NRK: variants seen among roughly 807,000 people sequenced by gnomAD.
NRK encodes the protein Nik related kinase, also known as nik-related protein kinase.
A neutral mutation model predicts 125.2 loss-of-function variants in NRK; 67 were observed. The ratio of observed to expected loss-of-function variants is 0.54; its 90% CI spans 0.44 to 0.66. The LOEUF (loss-of-function observed/expected upper bound fraction) is 0.66. Among genes scored for constraint, NRK ranks in the 30% least tolerant of loss-of-function variants. NRK has a pLI of 0.00. For synonymous variants in NRK, 458 were observed against 429.0 expected, an observed-to-expected ratio of 1.07 and a Z score of -0.84; for missense variants, 1,224 against 1,192.9, an observed-to-expected ratio of 1.03 and a Z score of -0.38.
At chrX:105,881,897 G>T in intron 4 of NRK, 118 bp downstream of exon 4, 2 of 430,639 alleles carry the variant, frequency 4.6e-6, no homozygotes, top group Non-Finnish European at 8.2e-6. Context: ...AAGTGTTCTT[G>T]CCTGAAAGTG....
intron 4 of NRK, among the ~76,000 whole-genome samples, chrX:105,884,480 A>G (rs1354343130): frequency 8.9e-6 from 1 of 111,955 alleles, no homozygotes; most frequent in Admixed American, 9.5e-5. Flanking sequence ...TTTAAAGCCT[A>G]GCCACATTAT....
intron 28 of NRK, among the ~76,000 whole-genome samples, chrX:105,954,401 A>C (rs2040945797): frequency 9.0e-6 from 1 of 110,725 alleles, no homozygotes; most frequent in Non-Finnish European, 1.9e-5. Context: ...GGGCATTTTA[A>C]ATTTTATTTA....
At chrX:105,943,242 G>A (rs1371212712) in intron 23 of NRK, among the ~76,000 whole-genome samples, 1 of 111,413 alleles carries the variant, frequency 9.0e-6, no homozygotes, top group Admixed American at 9.5e-5. Flanking sequence ...CAACCTTATT[G>A]TTTTGCATAG....
chrX:105,898,580 G>T lies in NRK; in HGVS notation c.581-4G>T, dbSNP rs755869177. On this transcript the variant is annotated splice_polypyrimidine_tract_variant and splice_region_variant and intron_variant, in intron 7 of 28. Transcript: ENST00000243300. ...TTATTTTGACATATAATGATTTTTG[G>T]CAGTTGATTTTGGAGTGAGTGCCCA... The T allele has an allele frequency of 5.0e-6, 6 of 1,190,686 alleles. No individual in the cohort carries two copies. The highest frequency in any genetic ancestry group is 2.3e-5 in the Admixed American group (1 of 43,435).
chrX:105,944,183 C>T (rs2040783288), intron 24 of NRK, 142 bp downstream of exon 24: 2 of 400,207 alleles, frequency 5.0e-6, no homozygotes, highest in East Asian at 4.3e-5. Context: ...AGTTTGCTTG[C>T]TTGTTTGTTT....
At chrX:105,829,331 G>A (rs964810248) in intron 1 of NRK, among the ~76,000 whole-genome samples, 1 of 112,032 alleles carries the variant, frequency 8.9e-6, no homozygotes, top group South Asian at 3.6e-4. Flanking sequence ...ATTCATCTAA[G>A]TTGCATATGC....
In NRK at chrX:105,950,086, T is replaced by C. The variant is rs1419401226; in HGVS notation, c.4513+352T>C. Among the ~76,000 whole-genome samples the C allele has an allele frequency of 2.7e-5, 3 of 112,167 alleles. No individual in the cohort carries two copies. The Admixed American group carries it at 2.8e-4, about 11-fold the overall frequency. ...GAAATGCTTCTTTTCATCACACTGA[T>C]TGTGGGGTTTATCTTTATCTTAGGA... On this transcript the variant is annotated intron_variant, in intron 27 of 28. Coordinates refer to ENST00000243300, the MANE Select transcript of NRK (RefSeq NM_198465.4).
chrX:105,921,017 A>G (rs2040436080), intron 16 of NRK, among the ~76,000 whole-genome samples: 1 of 91,993 alleles, frequency 1.1e-5, no homozygotes, highest in African/African-American at 4.0e-5. Context: ...TGCTGCTATA[A>G]AGACACATGC....
At chrX:105,920,814 TAA>T (rs1239392905) in intron 16 of NRK, among the ~76,000 whole-genome samples, 1 of 105,688 alleles carries the variant, frequency 9.5e-6, no homozygotes, top group African/African-American at 3.5e-5. Context: ...TGGCAATCAC[TAA>T]AAAGTCAGGA....
In NRK at chrX:105,906,458, A is replaced by G; in HGVS notation, c.890A>G (p.Asn297Ser). 8.5e-7 allele frequency: 1 copy of G among 1,170,958 alleles called. No homozygotes were observed. The highest frequency in any genetic ancestry group is 1.1e-6 in the Non-Finnish European group (1 of 869,674). ...HNFMEKCTIK[N>S]FLFRPTSANM... ...TTCATGGAAAAGTGTACGATAAAAA[A>G]TTTCCTGTTTCGTCCTACTTCTGCA... is the stretch of plus-strand genomic sequence containing the variant. The change falls in exon 11 of 29, where the codon AAT (asparagine) becomes AGT (serine). Residue 297 changes from asparagine to serine, a missense_variant. By Grantham distance (46) the Asn-to-Ser change is conservative (BLOSUM62 1). Coordinates refer to ENST00000243300, the MANE Select transcript of NRK (RefSeq NM_198465.4).
rs750428557 is a variant in NRK, at chrX:105,826,147, TTATA to T, written c.57+3253_57+3256del. Among the ~76,000 whole-genome samples, 4 of 92,232 alleles carry T rather than the reference TTATA, an allele frequency of 4.3e-5. No homozygotes were observed. In the East Asian group the frequency reaches 1.3e-3, roughly 29 times the overall value. The allele number at this position is 92,232 out of a possible 115,157, so 80.1% of individuals were successfully genotyped here. A position where few individuals can be genotyped will look rare whatever the true frequency, so the allele number is the denominator to read the frequency against. On this transcript the variant is annotated intron_variant, in intron 1 of 28. Transcript: ENST00000243300. The stretch of plus-strand genomic sequence containing the variant: ...TATATATGGTAAGATATATATATGA[TTATA>T]TATATATGGTAAGATATATATATGA...
intron 4 of NRK, 97 bp from the exon 5 acceptor site, chrX:105,888,197 G>A: frequency 1.6e-6 from 1 of 629,347 alleles, no homozygotes; most frequent in Non-Finnish European, 2.3e-6. Flanking sequence ...ATAATTAGTT[G>A]CCATAGGATT....
At position 105,909,751 on chromosome X, in the gene NRK, T is replaced by G. The variant is rs772732112; in HGVS notation, c.2110T>G (p.Phe704Val). ...ALAKRLSPKR[F>V]RAKSSWRPEK... ...GGCAAAAAGACTATCACCAAAGAGG[T>G]TCAGGGCAAAGTCATCATGGAGACC... The change falls in exon 13 of 29, where the codon TTC becomes GTC. Residue 704 changes from phenylalanine to valine, a missense_variant. By Grantham distance (50) the Phe-to-Val change is conservative (BLOSUM62 -1). Coordinates refer to ENST00000243300, the MANE Select transcript of NRK (RefSeq NM_198465.4). The G allele has an allele frequency of 1.6e-5, 19 of 1,181,677 alleles. No individual in the cohort carries two copies. The highest frequency in any genetic ancestry group is 2.2e-5 in the Non-Finnish European group (19 of 880,254).
rs746053626 is a variant in NRK, at chrX:105,917,208, G to A, written c.2418-370G>A. Among the ~76,000 whole-genome samples, 19 of 110,721 alleles carry A rather than the reference G, an allele frequency of 1.7e-4. No individual in the cohort carries two copies. The South Asian group carries it at 6.8e-3, about 39-fold the overall frequency. Reference sequence around the variant, plus strand: ...AGAATATATGACATAACAGTAACTTGTTTATTATGTTAAAATACTCACATA... The same window carrying A: ...AGAATATATGACATAACAGTAACTTATTTATTATGTTAAAATACTCACATA... On this transcript the variant is annotated intron_variant, in intron 15 of 28. Transcript: ENST00000243300.
At chrX:105,850,547 C>T (rs773198129) in intron 2 of NRK, among the ~76,000 whole-genome samples, 1 of 112,537 alleles carries the variant, frequency 8.9e-6, no homozygotes, top group Non-Finnish European at 1.9e-5. Context: ...CTTTTGTGCT[C>T]TGTTTCCCTT....
Position 105,935,790 on chromosome X carries a change from A to C in NRK, c.3655+465A>C, listed in dbSNP as rs748431652. Among the ~76,000 whole-genome samples, 315 of 100,805 alleles carry C rather than the reference A, an allele frequency of 3.1e-3. 2 individuals are homozygous for C. The highest frequency in any genetic ancestry group is 0.011 in the African/African-American group (275 of 24,894). 87.5% of individuals were successfully genotyped at this position (100,805 alleles called of 115,157 possible). On this transcript the variant is annotated intron_variant, in intron 21 of 28. Transcript: ENST00000243300. ...CGGGCGACAGTGCAAGACTCTCTCT[A>C]TATATATTATATTTATTATATTTTA...
intron 2 of NRK, among the ~76,000 whole-genome samples, chrX:105,848,086 C>A (rs1347488779): frequency 8.9e-6 from 1 of 111,992 alleles, no homozygotes; most frequent in African/African-American, 3.2e-5. Context: ...TTAATATTCA[C>A]TACTCTGAAG....
intron 13 of NRK, among the ~76,000 whole-genome samples, chrX:105,910,471 A>G (rs1178113316): frequency 1.8e-5 from 2 of 112,531 alleles, no homozygotes; most frequent in Non-Finnish European, 3.7e-5. Context: ...TAATTAATCA[A>G]TTATGTGGCC....
chrX:105,931,233 G>A (rs1159005852), intron 19 of NRK, among the ~76,000 whole-genome samples: 1 of 112,298 alleles, frequency 8.9e-6, no homozygotes, highest in Admixed American at 9.4e-5. Context: ...CATCAGTTGG[G>A]GCTTGGTGAA....
Sources: allele counts gnomAD v4.1 joint callset (sites outside exome capture counted in the v4.1 genomes callset), GRCh38; gene constraint gnomAD v4.1.1; transcripts MANE v1.5; gene names NCBI Gene and HGNC (gene_info 2026-07-23, HGNC 2026-07-21).